TRIM45: variants seen among roughly 807,000 people sequenced by gnomAD.
TRIM45 encodes E3 ubiquitin-protein ligase TRIM45.
In TRIM45, 45 loss-of-function variants were observed where a neutral mutation model predicts 46.7. The ratio of observed to expected loss-of-function variants is 0.96; its 90% CI spans 0.76 to 1.24. TRIM45 has a LOEUF of 1.24. TRIM45 is among the 50% of genes most tolerant of loss of function. The pLI is 0.00. For synonymous variants in TRIM45, 259 were observed against 285.8 expected (o/e 0.91, Z 0.94); for missense variants, 680 against 728.4 (o/e 0.93, Z 0.77).
Position 117,118,299 on chromosome 1 carries a change from CTG to C in TRIM45, c.955_956del (p.Gln319ValfsTer44). 6.2e-7 allele frequency: 1 copy of C among 1,614,226 alleles called. No individual in the cohort carries two copies. The highest frequency in any genetic ancestry group is 1.3e-5 in the African/African-American group (1 of 75,056). Reference protein sequence around the residue: ...SLQLQKAQLEQLLADMRTGVE... With the variant: ...SLQLQKAQLEXLLADMRTGVE... Reference sequence around the variant, plus strand: ...CTCCAGTCCGCATGTCTGCCAGTAACTGTTCCAGCTGGGCCTTCTGCAGCTGC... The same window carrying C: ...CTCCAGTCCGCATGTCTGCCAGTAACTTCCAGCTGGGCCTTCTGCAGCTGC... On this transcript the variant is annotated frameshift_variant, in exon 2 of 6. Coordinates refer to ENST00000256649, the MANE Select transcript of TRIM45 (RefSeq NM_025188.4). LOFTEE classifies it high-confidence loss of function. The surrounding 1 kb of genome is among the most constrained non-coding windows in gnomAD (Gnocchi z 5.7).
At position 117,121,106 on chromosome 1, in the gene TRIM45, G is replaced by A. The variant is rs145323082; in HGVS notation, c.96C>T (p.Cys32=). ...GNSGKTHCPL[C]LGLFKAPRLL... ...GCCTGGGGGCTTTGAAAAGCCCCAAGCACAGGGGGCAGTGAGTCTTGCCTG... is the reference window on the plus strand; with the variant it reads ...GCCTGGGGGCTTTGAAAAGCCCCAAACACAGGGGGCAGTGAGTCTTGCCTG... Residue 32 remains cysteine (C), a synonymous_variant, in exon 1 of 6, where the codon TGC becomes TGT. Coordinates refer to ENST00000256649, the MANE Select transcript of TRIM45 (RefSeq NM_025188.4). This position sits in a 1 kb window ranked among gnomAD's most constrained non-coding sequence, Gnocchi z 4.2. 1.9e-6 allele frequency: 3 copies of A among 1,613,614 alleles called. No homozygotes were observed. Among genetic ancestry groups the A allele is most frequent in the African/African-American group, 2.7e-5 (2 of 74,840 alleles).
rs911474793 is a variant in TRIM45 at position 117,118,451 on chromosome 1, G to A, written c.805C>T (p.Arg269Ter). 6 of 1,613,792 alleles carry A rather than the reference G, an allele frequency of 3.7e-6. No individual in the cohort carries two copies. Among genetic ancestry groups the A allele is most frequent in the African/African-American group, 1.3e-5 (1 of 74,896 alleles). The change falls in exon 2 of 6, where the codon CGA becomes TGA. Residue 269 changes from arginine to a stop codon, truncating the protein, a stop_gained. Transcript: ENST00000256649. LOFTEE classifies it high-confidence loss of function. The surrounding 1 kb of genome is among the most constrained non-coding windows in gnomAD (Gnocchi z 5.7). ...IHIINSALQK[R>*]VEAVAADVRT... is the part of the protein sequence containing the mutation. ...ACATCAGCTGCCACTGCCTCCACTC[G>A]CTTCTGGAGGGCACTGTTTATTATG...
At position 117,120,786 on chromosome 1, in the gene TRIM45, T is replaced by G. The variant is rs1458099972; in HGVS notation, c.416A>C (p.Asn139Thr). The change falls in exon 1 of 6, where the codon AAC (asparagine) becomes ACC (threonine). Residue 139 changes from asparagine to threonine, a missense_variant. Physicochemically the swap from Asn to Thr is moderately conservative, Grantham distance 65. Coordinates refer to ENST00000256649, the MANE Select transcript of TRIM45 (RefSeq NM_025188.4). ...EGQGLVCDLC[N>T]DREVEKRCQT... ...ACACCTCTTCTCTACTTCCCTGTCG[T>G]TGCACAGGTCACACACCAGGCCCTG... 3 of 1,614,198 alleles carry G rather than the reference T, an allele frequency of 1.9e-6. No individual in the cohort carries two copies. The highest frequency in any genetic ancestry group is 2.5e-6 in the Non-Finnish European group (3 of 1,180,016).
rs775686503 is a variant in TRIM45, at chr1:117,118,162, C to T, written c.1094G>A (p.Arg365His). 1.5e-5 allele frequency: 25 copies of T among 1,614,092 alleles called. 1 individual carries two copies. The highest frequency in any genetic ancestry group is 1.2e-4 in the Admixed American group (7 of 60,004). Residue 365 changes from arginine (R) to histidine (H), a missense_variant, in exon 2 of 6, where the codon CGT becomes CAT. Physicochemically the swap from Arg to His is conservative, Grantham distance 29. Around this residue, in one of 3 missense-constraint regions of TRIM45, gnomAD observed 322 missense variants for 359.3 expected, o/e 0.90. Transcript: ENST00000256649. This position sits in a 1 kb window ranked among gnomAD's most constrained non-coding sequence, Gnocchi z 5.7. Reference sequence around the variant, plus strand: ...GCGTATCTTATCATTTACTCCAGGACGGGTGCTATATTGAACTTTGTTCAG... The same window carrying T: ...GCGTATCTTATCATTTACTCCAGGATGGGTGCTATATTGAACTTTGTTCAG... ...RKLNKVQYSTRPGVNDKIRFC... is the reference protein window; with the variant it reads ...RKLNKVQYSTHPGVNDKIRFC...
chr1:117,112,290 C>A lies in TRIM45; in HGVS notation c.*15G>T. 2 of 1,552,786 alleles carry A rather than the reference C, an allele frequency of 1.3e-6. No individual in the cohort carries two copies. Among genetic ancestry groups the A allele is most frequent in the South Asian group, 1.2e-5 (1 of 81,084 alleles). On this transcript the variant is annotated 3_prime_UTR_variant, in exon 6 of 6. Transcript: ENST00000256649. ...TGGTGCTGCCTGCAGCTTTAAAAGG[C>A]TGAGCACAAACCCATCAGAGAGCCA...
chr1:117,121,553 C>A lies in TRIM45; in HGVS notation c.-352G>T, dbSNP rs990547742. The A allele has an allele frequency of 9.7e-6, 5 of 517,156 alleles. No homozygotes were observed. The highest frequency in any genetic ancestry group is 1.7e-5 in the Non-Finnish European group (5 of 294,412). 32.0% of individuals were successfully genotyped at this position (517,156 alleles called of 1,614,324 possible). On this transcript the variant is annotated 5_prime_UTR_variant, in exon 1 of 6. Transcript: ENST00000256649. This position sits in a 1 kb window ranked among gnomAD's most constrained non-coding sequence, Gnocchi z 4.2. ...CCTCTCGCTCCCTCCACTGCCACCC[C>A]CCTCCCGCCGCCCGCCCCACTGCGC... is the stretch of plus-strand genomic sequence containing the variant.
rs181454683 is a variant in TRIM45, at chr1:117,113,524, C to T, written c.1468-39G>A. 6.9e-5 allele frequency: 111 copies of T among 1,601,138 alleles called. No individual in the cohort carries two copies. In the African/African-American group the frequency reaches 9.4e-4, roughly 14 times the overall value. On this transcript the variant is annotated intron_variant, in intron 4 of 5. Coordinates refer to ENST00000256649, the MANE Select transcript of TRIM45 (RefSeq NM_025188.4). The surrounding 1 kb of genome is among the most constrained non-coding windows in gnomAD (Gnocchi z 4.0). The stretch of plus-strand genomic sequence containing the variant: ...ACCAAAAGCAATGAACAGCATCTTA[C>T]GAGTTAACAGGATGTGCTGCGCATC...
rs756897841 is a variant in TRIM45 at position 117,120,914 on chromosome 1, T to G, written c.288A>C (p.Val96=). ...TGGGCAGGTCCACCTGAGCATCACA[T>G]ACAGGACAAAGGATGCCGATCTGCG... The part of the protein sequence containing the change: ...LQSQIGILCP[V]CDAQVDLPMG... Residue 96 remains valine (V), a synonymous_variant, in exon 1 of 6, where the codon GTA becomes GTC. Coordinates refer to ENST00000256649, the MANE Select transcript of TRIM45 (RefSeq NM_025188.4). The G allele has an allele frequency of 6.2e-7, 1 of 1,614,164 alleles. No individual in the cohort carries two copies. The highest frequency in any genetic ancestry group is 1.7e-5 in the Admixed American group (1 of 60,022).
upstream of TRIM45, chr1:117,122,078 A>C: frequency 2.6e-6 from 1 of 390,808 alleles, no homozygotes; most frequent in Non-Finnish European, 4.6e-6. Flanking sequence ...GACCTCTTAA[A>C]AAGCCACGCT....
At chr1:117,121,811 G>A (rs1232304835), upstream of TRIM45, 4 of 711,330 alleles carry the variant, frequency 5.6e-6, no homozygotes, top group Non-Finnish European at 7.8e-6. The surrounding 1 kb of genome is among the most constrained non-coding windows in gnomAD (Gnocchi z 4.2). Context: ...TCCGAGAGCG[G>A]CGGCCCTCGC....
Position 117,121,315 on chromosome 1 carries a change from G to C in TRIM45, c.-114C>G. On this transcript the variant is annotated 5_prime_UTR_variant, in exon 1 of 6. Transcript: ENST00000256649. The surrounding 1 kb of genome is among the most constrained non-coding windows in gnomAD (Gnocchi z 4.2). Reference sequence around the variant, plus strand: ...TCTCCAGAACTTGAACAGAGACCATGGGGACTCCCTCGCTGACAAATAAAA... The same window carrying C: ...TCTCCAGAACTTGAACAGAGACCATCGGGACTCCCTCGCTGACAAATAAAA... The C allele has an allele frequency of 7.8e-7, 1 of 1,289,880 alleles. No homozygotes were observed. The highest frequency in any genetic ancestry group is 2.3e-5 in the East Asian group (1 of 42,928). 79.9% of individuals were successfully genotyped at this position (1,289,880 alleles called of 1,614,324 possible).
chr1:117,112,356 C>T lies in TRIM45; in HGVS notation c.1692G>A (p.Trp564Ter). ...TCCTCGGTGCGCTCTGCCCACCTGTCCATGTGCATTCAGATTTCTCATTAA... is the reference window on the plus strand; with the variant it reads ...TCCTCGGTGCGCTCTGCCCACCTGTTCATGTGCATTCAGATTTCTCATTAA... ...GKFNEKSECT[W>*]TGGQSAPRSL... is the part of the protein sequence containing the mutation. The change falls in exon 6 of 6, where the codon TGG becomes TGA. Residue 564 changes from tryptophan (W) to a stop codon, truncating the protein, a stop_gained. Coordinates refer to ENST00000256649, the MANE Select transcript of TRIM45 (RefSeq NM_025188.4). LOFTEE classifies it high-confidence loss of function. The T allele has an allele frequency of 6.2e-7, 1 of 1,614,106 alleles. No individual in the cohort carries two copies. The highest frequency in any genetic ancestry group is 8.5e-7 in the Non-Finnish European group (1 of 1,179,990).
chr1:117,121,752 C>T (rs1311187699), upstream of TRIM45: 10 of 677,336 alleles, frequency 1.5e-5, no homozygotes, highest in East Asian at 8.7e-5. This position sits in a 1 kb window ranked among gnomAD's most constrained non-coding sequence, Gnocchi z 4.2. Context: ...GCTCTGGCCC[C>T]TCCTCACACC....
chr1:117,118,070 C>G lies in TRIM45; in HGVS notation c.1186G>C (p.Glu396Gln). 6.2e-7 allele frequency: 1 copy of G among 1,614,190 alleles called. No individual in the cohort carries two copies. The highest frequency in any genetic ancestry group is 8.5e-7 in the Non-Finnish European group (1 of 1,180,030). The part of the protein sequence containing the change: ...YEIYGTINTK[E>Q]VDPAKCVLQG... ...AGGACACATTTGGCTGGATCAACCT[C>G]TTTGGTATTAATCGTACCATAAATT... Residue 396 changes from glutamate (E) to glutamine (Q), a missense_variant, in exon 2 of 6, where the codon GAG becomes CAG. Coordinates refer to ENST00000256649, the MANE Select transcript of TRIM45 (RefSeq NM_025188.4). This position sits in a 1 kb window ranked among gnomAD's most constrained non-coding sequence, Gnocchi z 5.7.
In TRIM45 at chr1:117,121,601, C is replaced by T; in HGVS notation, c.-400G>A. 1.9e-6 allele frequency: 1 copy of T among 512,890 alleles called. No homozygotes were observed. The highest frequency in any genetic ancestry group is 3.4e-6 in the Non-Finnish European group (1 of 291,276). 31.8% of individuals were successfully genotyped at this position (512,890 alleles called of 1,614,324 possible). Reference sequence around the variant, plus strand: ...CGCGCCACACGCGACAAGCGCCGACCCCACCCGCGCACGATGAGGTAGGGG... The same window carrying T: ...CGCGCCACACGCGACAAGCGCCGACTCCACCCGCGCACGATGAGGTAGGGG... On this transcript the variant is annotated 5_prime_UTR_variant, in exon 1 of 6. Transcript: ENST00000256649. This position sits in a 1 kb window ranked among gnomAD's most constrained non-coding sequence, Gnocchi z 4.2.
chr1:117,116,929 G>A lies in TRIM45; in HGVS notation c.1223-184C>T, dbSNP rs548150702. ...TTGGGAGTCCTTCCTGGTTGGCCTGGTTCTCTCAGCTAGCAGCTGCTTTGG... is the reference window on the plus strand; with the variant it reads ...TTGGGAGTCCTTCCTGGTTGGCCTGATTCTCTCAGCTAGCAGCTGCTTTGG... On this transcript the variant is annotated intron_variant, in intron 2 of 5. Coordinates refer to ENST00000256649, the MANE Select transcript of TRIM45 (RefSeq NM_025188.4). The surrounding 1 kb of genome is among the most constrained non-coding windows in gnomAD (Gnocchi z 4.6). 1.3e-5 allele frequency among the ~76,000 whole-genome samples: 2 copies of A among 152,116 alleles called. No homozygotes were observed. Among genetic ancestry groups the A allele is most frequent in the South Asian group, 4.2e-4 (2 of 4,808 alleles).
In TRIM45 at chr1:117,118,126, T is replaced by C; in HGVS notation, c.1130A>G (p.Gln377Arg). ...GCCACGGCACTGGCCTGCTTTCTCCTGAGGACAGAAGCGTATCTTATCATT... is the reference window on the plus strand; with the variant it reads ...GCCACGGCACTGGCCTGCTTTCTCCCGAGGACAGAAGCGTATCTTATCATT... ...GVNDKIRFCP[Q>R]EKAGQCRGYE... Residue 377 changes from glutamine (Q) to arginine (R), a missense_variant, in exon 2 of 6, where the codon CAG becomes CGG. By Grantham distance (43) the Gln-to-Arg change is conservative. Around this residue, in one of 3 missense-constraint regions of TRIM45, gnomAD observed 322 missense variants for 359.3 expected, o/e 0.90. Transcript: ENST00000256649. The surrounding 1 kb of genome is among the most constrained non-coding windows in gnomAD (Gnocchi z 5.7). The C allele has an allele frequency of 6.2e-7, 1 of 1,614,230 alleles. No individual in the cohort carries two copies. Among genetic ancestry groups the C allele is most frequent in the Non-Finnish European group, 8.5e-7 (1 of 1,180,038 alleles).
chr1:117,119,316 G>A (rs559672002), intron 1 of TRIM45, among the ~76,000 whole-genome samples: 5 of 152,238 alleles, frequency 3.3e-5, no homozygotes, highest in South Asian at 2.1e-4. Flanking sequence ...ATTAGAAAGC[G>A]TGAAACCGGC....
At chr1:117,119,514 G>C (rs1650538822) in intron 1 of TRIM45, among the ~76,000 whole-genome samples, 1 of 152,100 alleles carries the variant, frequency 6.6e-6, no homozygotes. Context: ...GGCTGAGGCA[G>C]GAGAATCGCT....
Sources: gnomAD v4.1 joint callset for allele counts (sites outside exome capture counted in the v4.1 genomes callset) on GRCh38, gnomAD v4.1.1 for gene constraint, gnomAD v4.1.1 regional missense constraint, Gnocchi (gnomAD v3.1) non-coding constraint, MANE v1.5 for transcripts, NCBI Gene and HGNC (gene_info 2026-07-23, HGNC 2026-07-21) for gene names.